The following MCF2L variants were observed in gnomAD, a reference collection of about 807,000 sequenced individuals.
MCF2L encodes the protein guanine nucleotide exchange factor DBS.
In MCF2L, 97 loss-of-function variants were observed where a neutral mutation model predicts 153.4. The ratio of observed to expected loss-of-function variants is 0.63; its 90% confidence interval spans 0.54 to 0.75. MCF2L has a LOEUF of 0.75. MCF2L is among the 30% of genes least tolerant of loss of function. The probability of loss-of-function intolerance (pLI) is 0.00; values close to 1 mark genes in which losing one functional copy is unlikely to be tolerated. For missense variants in MCF2L, 1,347 were observed against 1,495.2 expected, an observed-to-expected ratio of 0.90 and a Z score of 1.64; for synonymous variants, 659 against 632.2, an observed-to-expected ratio of 1.04 and a Z score of -0.64.
chr13:112,980,419 G>C (rs1232694103), intron 1 of MCF2L, among the ~76,000 whole-genome samples: 1 of 152,250 alleles, frequency 6.6e-6, no homozygotes, highest in Non-Finnish European at 1.5e-5. Context: ...AGTTGGCTGG[G>C]GCCAGCCCCC....
intron 27 of MCF2L, chr13:113,095,348 C>T: frequency 3.5e-6 from 4 of 1,156,724 alleles, no homozygotes; most frequent in African/African-American, 1.6e-5. Context: ...GCCCTCGGGG[C>T]CTCTGGCCTC....
intron 2 of MCF2L, among the ~76,000 whole-genome samples, chr13:112,939,620 T>C (rs1414532767): frequency 6.6e-6 from 1 of 152,178 alleles, no homozygotes. Flanking sequence ...CTGGACACTT[T>C]GGGTTAAATG....
chr13:112,955,366 C>T (rs562409881), intron 2 of MCF2L, among the ~76,000 whole-genome samples: 1 of 152,356 alleles, frequency 6.6e-6, no homozygotes, highest in African/African-American at 2.4e-5. Context: ...GGAGCCGCAC[C>T]CGATGGGTCT....
intron 2 of MCF2L, among the ~76,000 whole-genome samples, chr13:112,917,936 A>G (rs1361686679): frequency 6.6e-6 from 1 of 152,172 alleles, no homozygotes; most frequent in Non-Finnish European, 1.5e-5. Context: ...CAGTCCTTTC[A>G]GGACACCTTC....
chr13:112,919,079 T>C (rs1475354641), intron 2 of MCF2L, among the ~76,000 whole-genome samples: 1 of 152,246 alleles, frequency 6.6e-6, no homozygotes, highest in Non-Finnish European at 1.5e-5. Flanking sequence ...TCTTTCCTTG[T>C]GCCTAGCAAC....
At position 112,902,172 on chromosome 13, in the gene MCF2L, C is replaced by T. The variant is rs781222093; in HGVS notation, c.-4-27C>T. 19 of 1,599,164 alleles carry T rather than the reference C, an allele frequency of 1.2e-5. 1 individual carries two copies. In the Admixed American group the frequency reaches 1.5e-4, roughly 13 times the overall value. ...AAGTCTTTCTGCAGCATGACCTCAT[C>T]GTGCTTTTAAAATCTTTTTTCTGCA... On this transcript the variant is annotated intron_variant, in intron 1 of 29. Coordinates refer to the MCF2L transcript ENST00000375608.
intron 2 of MCF2L, among the ~76,000 whole-genome samples, chr13:112,945,048 G>T (rs2081623748): frequency 6.7e-6 from 1 of 149,166 alleles, no homozygotes; most frequent in South Asian, 2.1e-4. Flanking sequence ...ATGGTGCAGG[G>T]TGGGCCCTGA....
chr13:113,045,405 G>C lies in MCF2L; in HGVS notation c.369+44G>C. On this transcript the variant is annotated intron_variant, in intron 4 of 29. Coordinates refer to ENST00000535094, the MANE Select transcript of MCF2L (RefSeq NM_001112732.3). The surrounding 1 kb of genome is among the most constrained non-coding windows in gnomAD (Gnocchi z 4.2). ...TCTGCCCTGCGCCCGGCCCCTCCCT[G>C]GGCTGCATGACCGCATGGTGCCCTT... 1 of 1,500,282 alleles carries C rather than the reference G, an allele frequency of 6.7e-7. No homozygotes were observed. Among genetic ancestry groups the C allele is most frequent in the Non-Finnish European group, 9.3e-7 (1 of 1,077,718 alleles). The allele number at this position is 1,500,282 out of a possible 1,614,324, so 92.9% of individuals were successfully genotyped here. A position where few individuals can be genotyped will look rare whatever the true frequency, so the allele number is the denominator to read the frequency against.
intron 2 of MCF2L, among the ~76,000 whole-genome samples, chr13:113,022,735 TGCGTGAGCCACATCCCAGGGG>T (rs2084967991): frequency 6.6e-6 from 1 of 152,176 alleles, no homozygotes; most frequent in Admixed American, 6.5e-5. Flanking sequence ...AGCTGAGACG[TGCGTGAGCCACATCCCAGGGG>T]GCTTTGAGCC....
intron 2 of MCF2L, among the ~76,000 whole-genome samples, chr13:112,945,886 G>A (rs1373588303): frequency 6.6e-6 from 1 of 152,216 alleles, no homozygotes; most frequent in African/African-American, 2.4e-5. Flanking sequence ...AGATGGGTTT[G>A]TGCCGTGTAC....
At chr13:113,093,285 C>G (rs1042020310) in intron 26 of MCF2L, among the ~76,000 whole-genome samples, 1 of 152,256 alleles carries the variant, frequency 6.6e-6, no homozygotes, top group African/African-American at 2.4e-5. Context: ...GTCCTCAATT[C>G]TCACACAGAT....
At position 113,077,104 on chromosome 13, in the gene MCF2L, AC is replaced by A; in HGVS notation, c.1555del (p.Arg519AlafsTer6). 1 of 1,612,876 alleles carries A rather than the reference AC, an allele frequency of 6.2e-7. No homozygotes were observed. The highest frequency in any genetic ancestry group is 1.7e-5 in the Admixed American group (1 of 60,014). ...QKQASMEEVF[H>X]RRQASLKKLA... ...CAGGCAAGCATGGAGGAGGTGTTCC[AC>A]CGCAGGCAGGCCAGCCTGAAGAAGC... On this transcript the variant is annotated frameshift_variant, in exon 13 of 30. Transcript: ENST00000535094. LOFTEE classifies it high-confidence loss of function.
upstream of MCF2L, chr13:112,968,492 G>A (rs759680176): frequency 1.3e-6 from 2 of 1,585,506 alleles, no homozygotes; most frequent in South Asian, 1.1e-5. Context: ...CCCCGTGCCT[G>A]CAGCGCGCGC....
chr13:112,995,996 A>C (rs2083114468), intron 1 of MCF2L, among the ~76,000 whole-genome samples: 16 of 152,026 alleles, frequency 1.1e-4, no homozygotes, highest in Admixed American at 1.0e-3. Flanking sequence ...GCTGACTTTC[A>C]CCAGATCCAA....
chr13:113,033,399 G>GAGTGGCCCCTGTGACATT (rs1566773618), intron 3 of MCF2L, among the ~76,000 whole-genome samples: 1 of 29,702 alleles, frequency 3.4e-5, no homozygotes, highest in Non-Finnish European at 7.3e-5. Flanking sequence ...CCCGTGATGT[G>GAGTGGCCCCTGTGACATT]AGTGGACCCC....
chr13:112,955,410 G>T (rs1016687083), intron 2 of MCF2L, among the ~76,000 whole-genome samples: 2 of 152,168 alleles, frequency 1.3e-5, no homozygotes, highest in African/African-American at 4.8e-5. Context: ...GCCCATTTTT[G>T]TGTTCAGGTT....
chr13:112,974,218 A>G (rs1205852703), intron 1 of MCF2L, among the ~76,000 whole-genome samples: 5 of 152,152 alleles, frequency 3.3e-5, no homozygotes, highest in African/African-American at 4.8e-5. Flanking sequence ...ATAGTGGTGC[A>G]AACTCCCCCT....
In MCF2L at chr13:113,001,650, C is replaced by A. The variant is rs570723075; in HGVS notation, c.80-13113C>A. 2.9e-3 allele frequency: 3,819 copies of A among 1,301,274 alleles called. 8 individuals are homozygous for A. The highest frequency in any genetic ancestry group is 3.4e-3 in the Non-Finnish European group (3,489 of 1,026,386). The allele number at this position is 1,301,274 out of a possible 1,614,324, so 80.6% of individuals were successfully genotyped here. Reference sequence around the variant, plus strand: ...GCCTCCCTGGCCGGGGCTCAGCTGTCGCCAGGATCGCAACAGTTAAGCTGC... The same window carrying A: ...GCCTCCCTGGCCGGGGCTCAGCTGTAGCCAGGATCGCAACAGTTAAGCTGC... On this transcript the variant is annotated intron_variant, in intron 1 of 29. Coordinates refer to ENST00000535094, the MANE Select transcript of MCF2L (RefSeq NM_001112732.3).
At chr13:113,029,211 C>T (rs767219028) in intron 3 of MCF2L, among the ~76,000 whole-genome samples, 2 of 152,190 alleles carry the variant, frequency 1.3e-5, no homozygotes, top group African/African-American at 4.8e-5. Flanking sequence ...AGCCACCTGT[C>T]CCCTGGCTGT....
Sources: allele counts gnomAD v4.1 joint callset (sites outside exome capture counted in the v4.1 genomes callset), GRCh38; gene constraint gnomAD v4.1.1; non-coding constraint Gnocchi (gnomAD v3.1); transcripts MANE v1.5; gene names NCBI Gene and HGNC (gene_info 2026-07-23, HGNC 2026-07-21).